DESI2: variants seen among roughly 807,000 people sequenced by gnomAD.
DESI2 encodes the protein desumoylating isopeptidase 2, also known as deubiquitinase DESI2.
In DESI2, 10 loss-of-function variants were observed where a neutral mutation model predicts 24.1. The observed-to-expected ratio is 0.41, with a 90% CI of 0.26 to 0.70. The LOEUF is 0.70. DESI2 is among the 30% of genes least tolerant of loss of function. The pLI is 0.29. For synonymous variants in DESI2, 71 were observed against 87.7 expected, an observed-to-expected ratio of 0.81 and a Z score of 1.06; for missense variants, 122 against 234.9, an observed-to-expected ratio of 0.52 and a Z score of 3.14.
intron 1 of DESI2, among the ~76,000 whole-genome samples, chr1:244,683,543 C>T (rs1676703604): frequency 1.3e-5 from 2 of 152,228 alleles, no homozygotes; most frequent in Admixed American, 6.5e-5. Flanking sequence ...GATCTCCTGA[C>T]CTTGTGATCC....
intron 1 of DESI2, among the ~76,000 whole-genome samples, chr1:244,672,285 C>T (rs932272957): frequency 2.7e-4 from 41 of 152,154 alleles, no homozygotes; most frequent in Non-Finnish European, 1.2e-4. Flanking sequence ...TCACTCAGTT[C>T]ATGGGAGATC....
intron 1 of DESI2, among the ~76,000 whole-genome samples, chr1:244,680,614 T>C (rs1391659151): frequency 6.6e-6 from 1 of 152,208 alleles, no homozygotes. Context: ...CTATTAATGA[T>C]GCTCAGTTCA....
At chr1:244,691,672 TAA>T (rs1677035228) in intron 3 of DESI2, among the ~76,000 whole-genome samples, 1 of 152,248 alleles carries the variant, frequency 6.6e-6, no homozygotes, top group African/African-American at 2.4e-5. Flanking sequence ...GTAATATACT[TAA>T]GAGTTTATTG....
rs147988698 is a variant in DESI2, at chr1:244,705,995, G to GT, written c.*214dup. 7.0e-3 allele frequency: 3,856 copies of GT among 547,604 alleles called. 104 individuals are homozygous for GT. Among genetic ancestry groups the GT allele is most frequent in the African/African-American group, 0.058 (3,062 of 52,576 alleles). The allele number at this position is 547,604 out of a possible 1,614,324, so 33.9% of individuals were successfully genotyped here. ...AGAACTTTGTAAGAAGCTGCCCTCT[G>GT]TTTTTTTTATCCACTCGTAAATCTG... is the stretch of plus-strand genomic sequence containing the variant. On this transcript the variant is annotated 3_prime_UTR_variant, in exon 5 of 5. Transcript: ENST00000302550.
Position 244,676,087 on chromosome 1 carries a change from T to TA in DESI2, c.43-10510_43-10509insA, listed in dbSNP as rs891144655. ...CTAGTGTATAGAAATACAATCAATTTTTTTTTTGAGACAGAGTCTTGCTCT... is the reference window on the plus strand; with the variant it reads ...CTAGTGTATAGAAATACAATCAATTTATTTTTTTGAGACAGAGTCTTGCTCT... On this transcript the variant is annotated intron_variant, in intron 1 of 4. Transcript: ENST00000302550. 3.0e-4 allele frequency among the ~76,000 whole-genome samples: 46 copies of TA among 151,428 alleles called. 1 individual carries two copies. Among genetic ancestry groups the TA allele is most frequent in the Non-Finnish European group, 3.5e-4 (24 of 67,818 alleles).
chr1:244,655,002 T>C (rs1384401365), intron 1 of DESI2, among the ~76,000 whole-genome samples: 2 of 152,210 alleles, frequency 1.3e-5, no homozygotes, highest in African/African-American at 4.8e-5. Context: ...GTTTTACCTT[T>C]TATATGAAAA....
chr1:244,656,110 T>C (rs1274224824), intron 1 of DESI2, among the ~76,000 whole-genome samples: 1 of 152,190 alleles, frequency 6.6e-6, no homozygotes, highest in Non-Finnish European at 1.5e-5. Flanking sequence ...ATGCTTTGGA[T>C]GAGGGTTGCT....
intron 4 of DESI2, among the ~76,000 whole-genome samples, chr1:244,702,229 C>T (rs983733990): frequency 2.0e-5 from 3 of 152,148 alleles, no homozygotes; most frequent in Non-Finnish European, 4.4e-5. Context: ...AAAACATTGG[C>T]TTGGCTGGGC....
chr1:244,653,458 G>C, intron 1 of DESI2, 103 bp downstream of exon 1: 3 of 1,235,004 alleles, frequency 2.4e-6, no homozygotes, highest in African/African-American at 1.6e-5. Flanking sequence ...TGGCGTCTCC[G>C]CCTCCAGCCT....
intron 1 of DESI2, among the ~76,000 whole-genome samples, chr1:244,670,410 C>T (rs936938854): frequency 6.6e-6 from 1 of 152,304 alleles, no homozygotes; most frequent in Non-Finnish European, 1.5e-5. Flanking sequence ...AACCAGAACT[C>T]GTCTATTTAC....
chr1:244,694,776 A>G (rs530259431), intron 4 of DESI2: 1 of 569,716 alleles, frequency 1.8e-6, no homozygotes, highest in Admixed American at 3.2e-5. Context: ...GAACACAGCC[A>G]TGCTTATTTG....
intron 1 of DESI2, among the ~76,000 whole-genome samples, chr1:244,684,379 G>A (rs77377692): frequency 1.4e-3 from 206 of 152,094 alleles, no homozygotes; most frequent in African/African-American, 4.5e-3. Flanking sequence ...TACTCCTCTC[G>A]GCCAAATTGT....
In DESI2 at chr1:244,676,414, A is replaced by G. The variant is rs533149057; in HGVS notation, c.43-10183A>G. On this transcript the variant is annotated intron_variant, in intron 1 of 4. Coordinates refer to ENST00000302550, the MANE Select transcript of DESI2 (RefSeq NM_016076.5). The stretch of plus-strand genomic sequence containing the variant: ...TTATATATTGATCTTGTACCCTGCA[A>G]TGTTTTTAACTTATCTATTAGTTTT... Among the ~76,000 whole-genome samples the G allele has an allele frequency of 4.7e-4, 72 of 152,170 alleles. 1 individual carries two copies. The highest frequency in any genetic ancestry group is 1.6e-3 in the African/African-American group (68 of 41,528).
intron 1 of DESI2, among the ~76,000 whole-genome samples, chr1:244,657,463 C>T (rs979505889): frequency 2.6e-5 from 4 of 152,224 alleles, no homozygotes; most frequent in African/African-American, 9.6e-5. Flanking sequence ...AAACCGGAAA[C>T]CTGGGAGTAA....
At chr1:244,684,352 C>G (rs1015996326) in intron 1 of DESI2, among the ~76,000 whole-genome samples, 1 of 152,146 alleles carries the variant, frequency 6.6e-6, no homozygotes, top group African/African-American at 2.4e-5. Context: ...GTCCTCCACT[C>G]CCACCCTAGC....
At chr1:244,683,812 C>T (rs1022481918) in intron 1 of DESI2, among the ~76,000 whole-genome samples, 1 of 151,638 alleles carries the variant, frequency 6.6e-6, no homozygotes, top group African/African-American at 2.4e-5. Flanking sequence ...CCTCAAACTC[C>T]CGGGCTCAGT....
intron 1 of DESI2, among the ~76,000 whole-genome samples, chr1:244,674,783 C>A (rs1404661466): frequency 6.6e-6 from 1 of 152,096 alleles, no homozygotes; most frequent in African/African-American, 2.4e-5. Context: ...GTAGTTGTTT[C>A]TACTTTTTGG....
chr1:244,659,197 A>T (rs10927291), intron 1 of DESI2, among the ~76,000 whole-genome samples: 2 of 141,042 alleles, frequency 1.4e-5, no homozygotes, highest in Non-Finnish European at 3.1e-5. Context: ...TTAGGGGGGA[A>T]GGGGGTGGGG....
chr1:244,693,210 C>T (rs573999490), intron 4 of DESI2, among the ~76,000 whole-genome samples: 2 of 152,260 alleles, frequency 1.3e-5, no homozygotes, highest in East Asian at 1.9e-4. Flanking sequence ...CTTCTTACTC[C>T]AGTGCTTATT....
Sources: gnomAD v4.1 joint callset for allele counts (sites outside exome capture counted in the v4.1 genomes callset) on GRCh38, gnomAD v4.1.1 for gene constraint, MANE v1.5 for transcripts, NCBI Gene and HGNC (gene_info 2026-07-23, HGNC 2026-07-21) for gene names.